The following ENTREP2 variants were observed in gnomAD, a reference collection of about 807,000 sequenced individuals.
The protein encoded by ENTREP2 is protein ENTREP2.
chr15:29,297,278 G>A, the ENTREP2 span, among the ~76,000 whole-genome samples: 1 of 152,130 alleles, frequency 6.6e-6, no homozygotes, highest in Non-Finnish European at 1.5e-5. Context: ...AAGACATATG[G>A]AAAGCTCACA....
the ENTREP2 span, chr15:29,267,775 T>C: frequency 6.6e-6 from 1 of 152,174 alleles, no homozygotes; most frequent in African/African-American, 2.4e-5. Flanking sequence ...GAATAAAAAA[T>C]AAAAACATTA....
At chr15:29,625,312 A>C in the ENTREP2 span, among the ~76,000 whole-genome samples, 1 of 152,204 alleles carries the variant, frequency 6.6e-6, no homozygotes. Flanking sequence ...GGTTATTATG[A>C]ATAAAATCGC....
At chr15:29,463,648 G>A in the ENTREP2 span, among the ~76,000 whole-genome samples, 5 of 152,150 alleles carry the variant, frequency 3.3e-5, no homozygotes, top group South Asian at 8.3e-4. Flanking sequence ...AAGATAAGGT[G>A]AATTATTTTA....
the ENTREP2 span, among the ~76,000 whole-genome samples, chr15:29,646,844 C>CT: frequency 1.3e-5 from 2 of 152,300 alleles, no homozygotes; most frequent in East Asian, 1.9e-4. Flanking sequence ...AAGGGCCACT[C>CT]TGTCTATCCT....
At chr15:29,223,734 G>A in the ENTREP2 span, among the ~76,000 whole-genome samples, 2 of 152,086 alleles carry the variant, frequency 1.3e-5, no homozygotes, top group Non-Finnish European at 2.9e-5. Flanking sequence ...GAATGGAAAG[G>A]TAGCCAGAGA....
chr15:29,667,096 A>G, the ENTREP2 span, among the ~76,000 whole-genome samples: 2 of 152,146 alleles, frequency 1.3e-5, no homozygotes, highest in East Asian at 3.9e-4. Context: ...CCTCATGTTA[A>G]CTTGATTACT....
the ENTREP2 span, among the ~76,000 whole-genome samples, chr15:29,519,421 T>C: frequency 1.8e-4 from 28 of 151,840 alleles, no homozygotes; most frequent in East Asian, 5.4e-3. Flanking sequence ...GACCAAGCCC[T>C]CCTCTTCCTT....
At chr15:29,645,620 T>C in the ENTREP2 span, among the ~76,000 whole-genome samples, 1 of 151,886 alleles carries the variant, frequency 6.6e-6, no homozygotes, top group African/African-American at 2.4e-5. Flanking sequence ...TGCAGTGGTG[T>C]GGTCTCGGCT....
chr15:29,240,447 GC>G, the ENTREP2 span, among the ~76,000 whole-genome samples: 1 of 152,224 alleles, frequency 6.6e-6, no homozygotes, highest in African/African-American at 2.4e-5. Context: ...TATGGGAGGT[GC>G]TTTGGTCAGC....
chr15:29,190,493 G>A, the ENTREP2 span, among the ~76,000 whole-genome samples: 1 of 152,122 alleles, frequency 6.6e-6, no homozygotes, highest in Non-Finnish European at 1.5e-5. Flanking sequence ...ATGCTCTTCT[G>A]GATTCCAAAT....
chr15:29,490,447 T>C, the ENTREP2 span, among the ~76,000 whole-genome samples: 1 of 152,156 alleles, frequency 6.6e-6, no homozygotes, highest in Non-Finnish European at 1.5e-5. Flanking sequence ...TTTTATTCCC[T>C]TGTCTGACCC....
chr15:29,657,495 G>GA, the ENTREP2 span, among the ~76,000 whole-genome samples: 2 of 99,416 alleles, frequency 2.0e-5, no homozygotes, highest in African/African-American at 7.1e-5. Context: ...GGGGGGGGGG[G>GA]TGGCCAGCTT....
At chr15:29,138,131 A>C in the ENTREP2 span, among the ~76,000 whole-genome samples, 2 of 152,284 alleles carry the variant, frequency 1.3e-5, no homozygotes, top group Middle Eastern at 3.4e-3. Flanking sequence ...AATATTTTGC[A>C]GTCTCAGGAT....
chr15:29,381,138 C>A, the ENTREP2 span, among the ~76,000 whole-genome samples: 2 of 150,606 alleles, frequency 1.3e-5, no homozygotes, highest in Admixed American at 1.3e-4. Context: ...GCGTCAGCTG[C>A]GCCAAGCCGC....
chr15:29,176,731 T>C, the ENTREP2 span, among the ~76,000 whole-genome samples: 4 of 152,320 alleles, frequency 2.6e-5, no homozygotes, highest in African/African-American at 9.6e-5. Flanking sequence ...GTTAGATCTC[T>C]TTCCCTCCTT....
the ENTREP2 span, among the ~76,000 whole-genome samples, chr15:29,418,879 T>A: frequency 6.6e-6 from 1 of 152,194 alleles, no homozygotes. Flanking sequence ...AGGGCTATGG[T>A]TGGAGACTTG....
At chr15:29,363,561 T>C in the ENTREP2 span, among the ~76,000 whole-genome samples, 1 of 152,086 alleles carries the variant, frequency 6.6e-6, no homozygotes, top group African/African-American at 2.4e-5. Context: ...CATTGAAAAA[T>C]GATCAGCATA....
chr15:29,505,911 T>C, the ENTREP2 span, among the ~76,000 whole-genome samples: 1 of 151,076 alleles, frequency 6.6e-6, no homozygotes, highest in Non-Finnish European at 1.5e-5. The surrounding 1 kb of genome is among the most constrained non-coding windows in gnomAD (Gnocchi z 4.3). Context: ...AGAGAATGAG[T>C]TTGATGAACT....
the ENTREP2 span, among the ~76,000 whole-genome samples, chr15:29,219,959 C>T: frequency 6.6e-6 from 1 of 151,740 alleles, no homozygotes; most frequent in Non-Finnish European, 1.5e-5. Context: ...CAAGTCACCA[C>T]TAAAGATCCT....
Sources: gnomAD v4.1 joint callset for allele counts (sites outside exome capture counted in the v4.1 genomes callset) on GRCh38, gnomAD v4.1.1 for gene constraint, Gnocchi (gnomAD v3.1) non-coding constraint, MANE v1.5 for transcripts, NCBI Gene and HGNC (gene_info 2026-07-23, HGNC 2026-07-21) for gene names.